Variants in NFILZ observed in about 807,000 individuals in gnomAD.
NFILZ encodes NFIL3 like basic leucine zipper, also known as NFIL3 like protein.
rs1600145499 is a variant in NFILZ at position 8,652,991 on chromosome 19, C to CTTTCTTTCTTT, written c.-164+17245_-164+17246insTTTCTTTCTTT. On this transcript the variant is annotated intron_variant, in intron 3 of 5. Transcript: ENST00000691075. Reference sequence around the variant, plus strand: ...TCCCTCCTTCCTTCCTTCCTTCCTTCCTTCCTTCCTTCCTTCCTTCCTTTC... The same window carrying CTTTCTTTCTTT: ...TCCCTCCTTCCTTCCTTCCTTCCTTCTTTCTTTCTTTCTTCCTTCCTTCCTTCCTTCCTTTC... Among the ~76,000 whole-genome samples, 77 of 36,954 alleles carry CTTTCTTTCTTT rather than the reference C, an allele frequency of 2.1e-3. 5 individuals are homozygous for CTTTCTTTCTTT. Among genetic ancestry groups the CTTTCTTTCTTT allele is most frequent in the East Asian group, 4.0e-3 (3 of 758 alleles). The allele number at this position is 36,954 out of a possible 152,430, so 24.2% of individuals were successfully genotyped here.
chr19:8,654,634 A>G (rs367885925), intron 3 of NFILZ, among the ~76,000 whole-genome samples: 6 of 152,210 alleles, frequency 3.9e-5, no homozygotes, highest in African/African-American at 1.4e-4. Flanking sequence ...TATTTATTAA[A>G]AAATAGAATA....
At chr19:8,658,251 G>A (rs2043013968) in intron 3 of NFILZ, among the ~76,000 whole-genome samples, 1 of 152,134 alleles carries the variant, frequency 6.6e-6, no homozygotes, top group Non-Finnish European at 1.5e-5. Flanking sequence ...AGCCTCTTTG[G>A]GGTGCACATC....
At chr19:8,660,711 C>T (rs1416707635) in intron 3 of NFILZ, among the ~76,000 whole-genome samples, 6 of 149,260 alleles carry the variant, frequency 4.0e-5, no homozygotes, top group Non-Finnish European at 8.9e-5. Flanking sequence ...AGTCTCGGCT[C>T]ACTGCAAGCT....
intron 3 of NFILZ, among the ~76,000 whole-genome samples, chr19:8,649,516 C>T (rs2042955954): frequency 6.6e-6 from 1 of 152,088 alleles, no homozygotes; most frequent in Non-Finnish European, 1.5e-5. Flanking sequence ...ATCCACCTGC[C>T]TTGGCCTCCC....
intron 1 of NFILZ, among the ~76,000 whole-genome samples, chr19:8,631,867 T>TG (rs782619560): frequency 6.7e-6 from 1 of 149,920 alleles, no homozygotes; most frequent in African/African-American, 2.5e-5. Flanking sequence ...TGTGTGTGTG[T>TG]TTTGTTTGTT....
intron 3 of NFILZ, among the ~76,000 whole-genome samples, chr19:8,649,732 A>G (rs1217658289): frequency 6.6e-6 from 1 of 152,152 alleles, no homozygotes; most frequent in East Asian, 1.9e-4. Flanking sequence ...TTGAAAAGCA[A>G]GAATAAAAAT....
In NFILZ at chr19:8,663,754, G is replaced by GTGTA. The variant is rs1555674962; in HGVS notation, c.-163-10794_-163-10793insATGT. ...TGTGTGTGTGTGTGTGTGTGTGTGTGTGTGTGTGTGTGTGTGTATGTATGT... is the reference window on the plus strand; with the variant it reads ...TGTGTGTGTGTGTGTGTGTGTGTGTGTGTATGTGTGTGTGTGTGTGTATGTATGT... On this transcript the variant is annotated intron_variant, in intron 3 of 5. Transcript: ENST00000691075. Among the ~76,000 whole-genome samples, 318 of 117,530 alleles carry GTGTA rather than the reference G, an allele frequency of 2.7e-3. 6 individuals are homozygous for GTGTA. Among genetic ancestry groups the GTGTA allele is most frequent in the East Asian group, 0.02 (87 of 4,448 alleles). The allele number at this position is 117,530 out of a possible 152,430, so 77.1% of individuals were successfully genotyped here.
At chr19:8,638,335 G>A (rs2042904251) in intron 3 of NFILZ, among the ~76,000 whole-genome samples, 1 of 152,144 alleles carries the variant, frequency 6.6e-6, no homozygotes. Flanking sequence ...GTGCATTTGT[G>A]GGCGTGCAAA....
intron 3 of NFILZ, among the ~76,000 whole-genome samples, chr19:8,664,368 C>T (rs782619804): frequency 1.3e-5 from 2 of 152,180 alleles, no homozygotes; most frequent in Non-Finnish European, 2.9e-5. Flanking sequence ...CCACCCCCCA[C>T]TTCCTGCCCA....
intron 3 of NFILZ, among the ~76,000 whole-genome samples, chr19:8,647,793 GCGCACACACACACACACA>G (rs1414810857): frequency 5.3e-4 from 37 of 69,654 alleles, no homozygotes; most frequent in African/African-American, 1.9e-3. Flanking sequence ...GCGCGCGCGC[GCGCACACACACACACACA>G]CACACACACA....
intron 3 of NFILZ, among the ~76,000 whole-genome samples, chr19:8,665,682 A>G (rs2043058774): frequency 6.6e-6 from 1 of 152,192 alleles, no homozygotes. Context: ...AGCAAGGTAT[A>G]CCTTCTAGGT....
intron 3 of NFILZ, among the ~76,000 whole-genome samples, chr19:8,674,039 A>G (rs2043100284): frequency 6.6e-6 from 1 of 152,060 alleles, no homozygotes; most frequent in Non-Finnish European, 1.5e-5. Context: ...ACAGGGTTTC[A>G]CCGTGTTAGC....
intron 3 of NFILZ, among the ~76,000 whole-genome samples, chr19:8,671,530 G>T (rs1286301303): frequency 6.6e-6 from 1 of 152,110 alleles, no homozygotes; most frequent in Non-Finnish European, 1.5e-5. Flanking sequence ...ACTCTGGCCT[G>T]TCCTTTCTTT....
intron 3 of NFILZ, among the ~76,000 whole-genome samples, chr19:8,644,951 G>A (rs1555746941): frequency 6.6e-6 from 1 of 151,796 alleles, no homozygotes; most frequent in African/African-American, 2.4e-5. Context: ...TTTTAGTAGA[G>A]ATGGGGTTTC....
chr19:8,642,798 A>AG (rs1555746769), intron 3 of NFILZ, among the ~76,000 whole-genome samples: 1 of 152,120 alleles, frequency 6.6e-6, no homozygotes. Context: ...ACCCAGACTC[A>AG]GGAAGTAAGG....
rs782001552 is a variant in NFILZ at position 8,650,383 on chromosome 19, G to A, written c.-164+14637G>A. 5.9e-5 allele frequency among the ~76,000 whole-genome samples: 9 copies of A among 152,056 alleles called. 1 individual carries two copies. In the South Asian group the frequency reaches 6.2e-4, roughly 11 times the overall value. On this transcript the variant is annotated intron_variant, in intron 3 of 5. Coordinates refer to ENST00000691075, the MANE Select transcript of NFILZ (RefSeq NM_001378600.1). ...AAAGAAATTAATAGAGGCTGCGTGC[G>A]GTGGCTCACGCCTGTAATCCCAGCA...
chr19:8,663,748 G>GTGTGTGTATGTGTGTGTGTGTA lies in NFILZ; in HGVS notation c.-163-10796_-163-10795insATGTGTGTGTGTGTATGTGTGT, dbSNP rs2043046784. Among the ~76,000 whole-genome samples the GTGTGTGTATGTGTGTGTGTGTA allele has an allele frequency of 1.4e-5, 2 of 139,376 alleles. 1 individual carries two copies. The highest frequency in any genetic ancestry group is 5.6e-5 in the African/African-American group (2 of 35,456). The allele number at this position is 139,376 out of a possible 152,430, so 91.4% of individuals were successfully genotyped here. ...TGTGTGTGTGTGTGTGTGTGTGTGT[G>GTGTGTGTATGTGTGTGTGTGTA]TGTGTGTGTGTGTGTGTGTGTGTAT... is the stretch of plus-strand genomic sequence containing the variant. On this transcript the variant is annotated intron_variant, in intron 3 of 5. Transcript: ENST00000691075.
intron 3 of NFILZ, among the ~76,000 whole-genome samples, chr19:8,649,826 A>G (rs1461860861): frequency 6.6e-6 from 1 of 151,782 alleles, no homozygotes; most frequent in Non-Finnish European, 1.5e-5. Context: ...GAAAAAAAAA[A>G]TCTTTTGGCC....
intron 3 of NFILZ, among the ~76,000 whole-genome samples, chr19:8,663,772 A>ATGTGTGTATG (rs1555749471): frequency 1.3e-5 from 1 of 77,026 alleles, no homozygotes; most frequent in African/African-American, 8.2e-5. Context: ...GTGTGTGTGT[A>ATGTGTGTATG]TGTATGTGTG....
Sources: allele counts gnomAD v4.1 joint callset (sites outside exome capture counted in the v4.1 genomes callset), GRCh38; gene constraint gnomAD v4.1.1; transcripts MANE v1.5; gene names NCBI Gene and HGNC (gene_info 2026-07-23, HGNC 2026-07-21).